Variants in TUBB6 observed in about 807,000 individuals in gnomAD.
TUBB6 encodes the protein tubulin beta-6 chain.
A neutral mutation model predicts 32.3 loss-of-function variants in TUBB6; 18 were observed. That is an observed-to-expected ratio of 0.56 (90% CI 0.39 to 0.83). The LOEUF (loss-of-function observed/expected upper bound fraction) is 0.83, where lower values mean the gene tolerates loss of function less well. Ranked by LOEUF, TUBB6 falls within the 40% of genes least tolerant of loss-of-function variation. TUBB6 has a pLI of 0.00. For missense variants in TUBB6, 480 were observed against 632.0 expected (o/e 0.76, Z 2.58); for synonymous variants, 280 against 265.8 (o/e 1.05, Z -0.52).
At chr18:12,318,229 G>A (rs1364911798) in intron 3 of TUBB6, among the ~76,000 whole-genome samples, 2 of 151,728 alleles carry the variant, frequency 1.3e-5, no homozygotes, top group South Asian at 4.2e-4. Context: ...TACCTATGTT[G>A]TAGTTTTGCC....
At chr18:12,315,709 A>G (rs1438290598) in intron 3 of TUBB6, among the ~76,000 whole-genome samples, 2 of 152,196 alleles carry the variant, frequency 1.3e-5, no homozygotes, top group African/African-American at 2.4e-5. Context: ...AACTCAGCGC[A>G]CGCTGCACTG....
intron 3 of TUBB6, among the ~76,000 whole-genome samples, chr18:12,313,779 G>A (rs1906518420): frequency 6.6e-6 from 1 of 152,172 alleles, no homozygotes; most frequent in South Asian, 2.1e-4. Context: ...TTCCATCCAA[G>A]AGTTCCAGTT....
intron 3 of TUBB6, among the ~76,000 whole-genome samples, chr18:12,324,105 C>T (rs983361347): frequency 6.6e-6 from 1 of 152,156 alleles, no homozygotes; most frequent in Non-Finnish European, 1.5e-5. Context: ...CGCCGTGGCT[C>T]ACGCCTGTAA....
chr18:12,317,153 CAAAAAAAAA>C, intron 3 of TUBB6, among the ~76,000 whole-genome samples: 1 of 66,428 alleles, frequency 1.5e-5, no homozygotes, highest in East Asian at 4.7e-4. Flanking sequence ...GAGACCCTGT[CAAAAAAAAA>C]AAAAAAAAGA....
downstream of TUBB6, among the ~76,000 whole-genome samples, chr18:12,326,849 G>A (rs1907355214): frequency 6.6e-6 from 1 of 152,128 alleles, no homozygotes; most frequent in Non-Finnish European, 1.5e-5. Context: ...CTGGGCTAGG[G>A]TTCCCCAACC....
rs1329374461 is a variant in TUBB6 at position 12,311,071 on chromosome 18, C to T, written c.277+18C>T. ...CATCTTTGGTAGGTTCCATCTTTCT[C>T]ACTTTCTTCTTCTTCTTTTATTTTT... On this transcript the variant is annotated intron_variant, in intron 3 of 3. Coordinates refer to ENST00000317702, the MANE Select transcript of TUBB6 (RefSeq NM_032525.3). The T allele has an allele frequency of 3.2e-6, 5 of 1,573,834 alleles. No individual in the cohort carries two copies. The highest frequency in any genetic ancestry group is 3.4e-5 in the Admixed American group (2 of 58,240).
At position 12,311,046 on chromosome 18, in the gene TUBB6, C is replaced by T. The variant is rs1324251587; in HGVS notation, c.270C>T (p.Phe90=). The T allele has an allele frequency of 1.2e-6, 2 of 1,612,048 alleles. No individual in the cohort carries two copies. The highest frequency in any genetic ancestry group is 1.7e-6 in the Non-Finnish European group (2 of 1,178,764). Reference sequence around the variant, plus strand: ...GGCAGCTTTTCCGGCCTGACAACTTCATCTTTGGTAGGTTCCATCTTTCTC... The same window carrying T: ...GGCAGCTTTTCCGGCCTGACAACTTTATCTTTGGTAGGTTCCATCTTTCTC... ...PFGQLFRPDN[F]IFGQTGAGNN... is the part of the protein sequence containing the mutation. The change falls in exon 3 of 4, where the codon TTC becomes TTT. Residue 90 remains phenylalanine (F), a synonymous_variant. Coordinates refer to ENST00000317702, the MANE Select transcript of TUBB6 (RefSeq NM_032525.3).
chr18:12,310,770 T>C (rs1284808563), intron 2 of TUBB6, among the ~76,000 whole-genome samples, 173 bp from the exon 3 acceptor site: 1 of 152,218 alleles, frequency 6.6e-6, no homozygotes, highest in Non-Finnish European at 1.5e-5. Context: ...ATTACAGGGA[T>C]GAGCCAGTGC....
chr18:12,329,790 T>G (rs914045907), downstream of TUBB6: 9 of 1,605,026 alleles, frequency 5.6e-6, no homozygotes, highest in Non-Finnish European at 6.8e-6. Flanking sequence ...CAACCTGAAA[T>G]ATGAACAATT....
chr18:12,308,835 C>T (rs539585665), intron 2 of TUBB6, 40 bp downstream of exon 2: 1 of 1,352,692 alleles, frequency 7.4e-7, no homozygotes, highest in South Asian at 1.2e-5. Context: ...GGCCGGGACC[C>T]GCGTGGACGC....
intron 3 of TUBB6, among the ~76,000 whole-genome samples, chr18:12,311,850 T>G (rs796216732): frequency 4.6e-5 from 7 of 152,234 alleles, no homozygotes; most frequent in African/African-American, 1.7e-4. Flanking sequence ...AAGTAGAACC[T>G]ACAGGATAGG....
chr18:12,308,338 A>G lies in TUBB6; in HGVS notation c.46A>G (p.Ile16Val). ...CCAGGCGGGCCAGTGCGGGAACCAG[A>G]TCGGCACCAAGGTGGGCCTGGCGCG... is the stretch of plus-strand genomic sequence containing the variant. ...HIQAGQCGNQ[I>V]GTKFWEVISD... The change falls in exon 1 of 4, where the codon ATC (isoleucine) becomes GTC (valine). Residue 16 changes from isoleucine to valine, a missense_variant. Transcript: ENST00000317702. The G allele has an allele frequency of 6.8e-7, 1 of 1,479,140 alleles. No homozygotes were observed. Among genetic ancestry groups the G allele is most frequent in the Non-Finnish European group, 9.0e-7 (1 of 1,110,652 alleles). The allele number at this position is 1,479,140 out of a possible 1,614,324, so 91.6% of individuals were successfully genotyped here.
intron 3 of TUBB6, among the ~76,000 whole-genome samples, chr18:12,314,601 T>C (rs903955172): frequency 7.2e-5 from 11 of 152,000 alleles, no homozygotes; most frequent in Admixed American, 6.6e-5. Flanking sequence ...CTTCCTGAGA[T>C]TGGGAAACAG....
At position 12,310,931 on chromosome 18, in the gene TUBB6, T is replaced by C; in HGVS notation, c.167-12T>C. On this transcript the variant is annotated splice_polypyrimidine_tract_variant and intron_variant, in intron 2 of 3. Coordinates refer to ENST00000317702, the MANE Select transcript of TUBB6 (RefSeq NM_032525.3). ...GAAAGTAACTCTTGTGGGTGGTTCT[T>C]TTCTCCTCCAGCTCAGAAATATGTG... The C allele has an allele frequency of 1.3e-6, 2 of 1,588,376 alleles. No individual in the cohort carries two copies. Among genetic ancestry groups the C allele is most frequent in the South Asian group, 2.3e-5 (2 of 87,740 alleles).
At chr18:12,308,653 T>A in intron 1 of TUBB6, 34 bp from the exon 2 acceptor site, 2 of 1,454,464 alleles carry the variant, frequency 1.4e-6, no homozygotes, top group South Asian at 1.1e-5. Context: ...CTCTGGGTTC[T>A]GAGCGTCTGT....
Position 12,326,260 on chromosome 18 carries a change from AGC to A in TUBB6, c.*131_*132del. On this transcript the variant is annotated 3_prime_UTR_variant, in exon 4 of 4. Coordinates refer to ENST00000317702, the MANE Select transcript of TUBB6 (RefSeq NM_032525.3). Reference sequence around the variant, plus strand: ...GTTGGTGTCGGCCCCTCACAAATGCAGCCAAGTCATGTAATTAGTCATCTGGA... The same window carrying A: ...GTTGGTGTCGGCCCCTCACAAATGCACAAGTCATGTAATTAGTCATCTGGA... The A allele has an allele frequency of 4.5e-6, 6 of 1,345,756 alleles. No homozygotes were observed. Among genetic ancestry groups the A allele is most frequent in the Non-Finnish European group, 5.9e-6 (6 of 1,013,738 alleles). 83.4% of individuals were successfully genotyped at this position (1,345,756 alleles called of 1,614,324 possible).
chr18:12,312,939 G>C (rs4796959), intron 3 of TUBB6, among the ~76,000 whole-genome samples: 118,652 of 148,254 alleles, frequency 0.8, 48,244 homozygotes, highest in Non-Finnish European at 0.89. Context: ...GCGGAGGTTG[G>C]GGTGAACCAA....
intron 3 of TUBB6, among the ~76,000 whole-genome samples, chr18:12,318,589 G>A (rs924630027): frequency 6.6e-6 from 1 of 151,958 alleles, no homozygotes; most frequent in Non-Finnish European, 1.5e-5. Context: ...ACTGCCAAAT[G>A]GGGCAAAGAC....
chr18:12,318,199 C>T (rs1357947865), intron 3 of TUBB6, among the ~76,000 whole-genome samples: 1 of 151,726 alleles, frequency 6.6e-6, no homozygotes, highest in Admixed American at 6.6e-5. Context: ...GTGGACCAGC[C>T]CCGAGCTTGT....
Sources: allele counts gnomAD v4.1 joint callset (sites outside exome capture counted in the v4.1 genomes callset), GRCh38; gene constraint gnomAD v4.1.1; transcripts MANE v1.5; gene names NCBI Gene and HGNC (gene_info 2026-07-23, HGNC 2026-07-21).